NUFIP2: variants seen among roughly 807,000 people sequenced by gnomAD.
The protein encoded by NUFIP2 is FMR1-interacting protein NUFIP2.
In NUFIP2, 6 loss-of-function variants were observed where a neutral mutation model predicts 56.9. The observed-to-expected ratio is 0.11, with a 90% confidence interval of 0.06 to 0.21. The LOEUF (loss-of-function observed/expected upper bound fraction) is 0.21. Ranked by LOEUF, NUFIP2 falls within the 10% of genes least tolerant of loss-of-function variation. The pLI, the probability that NUFIP2 is intolerant of heterozygous loss-of-function variation, is 1.00. For missense variants in NUFIP2, 828 were observed against 826.8 expected (o/e 1.00, Z -0.02); for synonymous variants, 321 against 298.2 (o/e 1.08, Z -0.79).
chr17:29,291,125 G>A (rs892333172), intron 1 of NUFIP2, among the ~76,000 whole-genome samples: 11 of 151,602 alleles, frequency 7.3e-5, no homozygotes, highest in Admixed American at 1.3e-4. Flanking sequence ...AAGTATGCTG[G>A]AAAGAAATTT....
rs1378751553 is a variant in NUFIP2 at position 29,257,933 on chromosome 17, CCA to C, written c.*6604_*6605del. On this transcript the variant is annotated 3_prime_UTR_variant, in exon 4 of 4. Transcript: ENST00000225388. ...CACTTCCCCAGCTTATAAAATAGTT[CCA>C]GTTTCGCAAGATCTGTAACTTTAAA... 6.6e-6 allele frequency: 1 copy of C among 152,090 alleles called. No individual in the cohort carries two copies. Among genetic ancestry groups the C allele is most frequent in the African/African-American group, 2.4e-5 (1 of 41,408 alleles). 9.4% of individuals were successfully genotyped at this position (152,090 alleles called of 1,614,324 possible). A position where few individuals can be genotyped will look rare whatever the true frequency, so the allele number is the denominator to read the frequency against.
chr17:29,282,555 A>C (rs1407608245), intron 2 of NUFIP2, among the ~76,000 whole-genome samples: 2 of 151,918 alleles, frequency 1.3e-5, no homozygotes, highest in African/African-American at 4.8e-5. Flanking sequence ...CTCAAAAAAA[A>C]AAAAAACCAC....
intron 2 of NUFIP2, among the ~76,000 whole-genome samples, chr17:29,268,700 T>TAC (rs369752571): frequency 6.7e-6 from 1 of 149,046 alleles, no homozygotes; most frequent in African/African-American, 2.5e-5. Context: ...TATATATATA[T>TAC]TTTTTTTTAG....
At chr17:29,272,938 C>T (rs949618348) in intron 2 of NUFIP2, among the ~76,000 whole-genome samples, 2 of 151,774 alleles carry the variant, frequency 1.3e-5, no homozygotes, top group Admixed American at 6.6e-5. Flanking sequence ...CTGCAACCTC[C>T]ACCACCTGGG....
At chr17:29,265,646 TTA>T (rs1462550853) in intron 3 of NUFIP2, among the ~76,000 whole-genome samples, 1 of 146,122 alleles carries the variant, frequency 6.8e-6, no homozygotes, top group Non-Finnish European at 1.5e-5. Flanking sequence ...ATATATTATA[TTA>T]TATATATACA....
rs910555483 is a variant in NUFIP2, at chr17:29,263,117, T to C, written c.*1422A>G. 6.6e-6 allele frequency: 1 copy of C among 152,604 alleles called. No homozygotes were observed. Among genetic ancestry groups the C allele is most frequent in the African/African-American group, 2.4e-5 (1 of 41,438 alleles). 9.5% of individuals were successfully genotyped at this position (152,604 alleles called of 1,614,324 possible). On this transcript the variant is annotated 3_prime_UTR_variant, in exon 4 of 4. Coordinates refer to ENST00000225388, the MANE Select transcript of NUFIP2 (RefSeq NM_020772.3). ...ATGGATATACTAATTTCTGTGTGTG[T>C]GATGTGATGCTGTGTCAGGCCAGAC...
rs901791881 is a variant in NUFIP2 at position 29,259,289 on chromosome 17, A to G, written c.*5250T>C. 8 of 152,192 alleles carry G rather than the reference A, an allele frequency of 5.3e-5. No homozygotes were observed. The highest frequency in any genetic ancestry group is 1.9e-4 in the African/African-American group (8 of 41,442). 9.4% of individuals were successfully genotyped at this position (152,192 alleles called of 1,614,324 possible). A position where few individuals can be genotyped will look rare whatever the true frequency, so the allele number is the denominator to read the frequency against. On this transcript the variant is annotated 3_prime_UTR_variant, in exon 4 of 4. Coordinates refer to ENST00000225388, the MANE Select transcript of NUFIP2 (RefSeq NM_020772.3). ...TAGTTAGTTTAATAAGGCTGTAGAA[A>G]AGAGATACTTGGCCGGGCACGGTGG...
intron 2 of NUFIP2, among the ~76,000 whole-genome samples, chr17:29,269,032 T>C (rs2153010985): frequency 6.6e-6 from 1 of 152,232 alleles, no homozygotes; most frequent in African/African-American, 2.4e-5. Context: ...CTGTGATACA[T>C]GAAAGCTTCA....
chr17:29,285,117 A>G (rs183771228), intron 2 of NUFIP2, among the ~76,000 whole-genome samples: 3 of 152,004 alleles, frequency 2.0e-5, no homozygotes, highest in Non-Finnish European at 4.4e-5. Context: ...CCTGGCCAAC[A>G]CGGGGAAACC....
intron 2 of NUFIP2, among the ~76,000 whole-genome samples, chr17:29,275,659 TG>T (rs1208486152): frequency 6.6e-6 from 1 of 152,182 alleles, no homozygotes; most frequent in Non-Finnish European, 1.5e-5. Context: ...GCCTTTTAAC[TG>T]GCCTCCTTTG....
chr17:29,267,565 T>C, intron 2 of NUFIP2, 35 bp from the exon 3 acceptor site: 1 of 1,370,124 alleles, frequency 7.3e-7, no homozygotes, highest in Non-Finnish European at 1.0e-6. Context: ...ATACTAAGTT[T>C]TGGTGAGCAA....
chr17:29,290,637 G>C (rs1371443737), intron 1 of NUFIP2, among the ~76,000 whole-genome samples: 15 of 147,360 alleles, frequency 1.0e-4, no homozygotes. Flanking sequence ...CTGGGCCACA[G>C]AGTAAGGCTG....
In NUFIP2 at chr17:29,261,533, T is replaced by C. The variant is rs1440647185; in HGVS notation, c.*3006A>G. 1 of 152,214 alleles carries C rather than the reference T, an allele frequency of 6.6e-6. No individual in the cohort carries two copies. Among genetic ancestry groups the C allele is most frequent in the Non-Finnish European group, 1.5e-5 (1 of 68,010 alleles). The allele number at this position is 152,214 out of a possible 1,614,324, so 9.4% of individuals were successfully genotyped here. ...AATACTCTGAGTTGAAGGAAAATTC[T>C]TTATACCAAACAATAACACGTTATT... On this transcript the variant is annotated 3_prime_UTR_variant, in exon 4 of 4. Transcript: ENST00000225388.
chr17:29,268,594 C>T (rs776599777), intron 2 of NUFIP2, among the ~76,000 whole-genome samples: 9 of 152,120 alleles, frequency 5.9e-5, no homozygotes, highest in African/African-American at 1.9e-4. Context: ...CTCGGCTCAC[C>T]GCAACATCCC....
rs1376214069 is a variant in NUFIP2, at chr17:29,258,305, T to C, written c.*6234A>G. On this transcript the variant is annotated 3_prime_UTR_variant, in exon 4 of 4. Transcript: ENST00000225388. ...GGGTATGTGCTTGAGAAATGACTTT[T>C]CTTCTTGTCAAGTAGCATTCACTAA... The C allele has an allele frequency of 6.6e-6, 1 of 152,196 alleles. No homozygotes were observed. The highest frequency in any genetic ancestry group is 6.5e-5 in the Admixed American group (1 of 15,280). The allele number at this position is 152,196 out of a possible 1,614,324, so 9.4% of individuals were successfully genotyped here. A position where few individuals can be genotyped will look rare whatever the true frequency, so the allele number is the denominator to read the frequency against.
chr17:29,266,607 A>G (rs951213505), intron 3 of NUFIP2, among the ~76,000 whole-genome samples: 1 of 151,950 alleles, frequency 6.6e-6, no homozygotes, highest in Non-Finnish European at 1.5e-5. Flanking sequence ...ATAACAGCTA[A>G]TATTTTTCTG....
chr17:29,293,413 G>C (rs369667536), intron 1 of NUFIP2, among the ~76,000 whole-genome samples: 4 of 152,112 alleles, frequency 2.6e-5, no homozygotes, highest in Admixed American at 1.3e-4. Context: ...GGATTTTTTG[G>C]GGGGGTAGGT....
chr17:29,270,657 A>AAATAT (rs1157700614), intron 2 of NUFIP2, among the ~76,000 whole-genome samples: 2 of 152,186 alleles, frequency 1.3e-5, no homozygotes, highest in Non-Finnish European at 2.9e-5. Flanking sequence ...GTCTACTGCA[A>AAATAT]AGATAAATCT....
chr17:29,288,999 C>G (rs2069194692), intron 1 of NUFIP2, among the ~76,000 whole-genome samples: 1 of 151,938 alleles, frequency 6.6e-6, no homozygotes, highest in South Asian at 2.1e-4. Flanking sequence ...CAAAAATTAG[C>G]TGGGCGTGGG....
Sources: gnomAD v4.1 joint callset for allele counts (sites outside exome capture counted in the v4.1 genomes callset) on GRCh38, gnomAD v4.1.1 for gene constraint, MANE v1.5 for transcripts, NCBI Gene and HGNC (gene_info 2026-07-23, HGNC 2026-07-21) for gene names.